Variants in TLR5 observed in about 807,000 individuals in gnomAD.
TLR5 encodes the protein toll-like receptor 5.
For missense variants in TLR5, 944 were observed against 999.8 expected (o/e 0.94, Z 0.75); for synonymous variants, 373 against 384.4 (o/e 0.97, Z 0.35).
intron 5 of TLR5, among the ~76,000 whole-genome samples, chr1:223,126,165 C>T (rs1320708545): frequency 1.3e-5 from 2 of 152,124 alleles, no homozygotes; most frequent in Non-Finnish European, 2.9e-5. Context: ...GGATATTTTT[C>T]GGCCTTAAAA....
At chr1:223,115,758 A>G (rs1424773937) in intron 5 of TLR5, among the ~76,000 whole-genome samples, 1 of 152,198 alleles carries the variant, frequency 6.6e-6, no homozygotes, top group Non-Finnish European at 1.5e-5. Flanking sequence ...GCTGCTGTTT[A>G]TAGAGAGGAG....
rs866661263 is a variant in TLR5 at position 223,112,076 on chromosome 1, A to G, written c.956T>C (p.Leu319Pro). 1 of 1,614,250 alleles carries G rather than the reference A, an allele frequency of 6.2e-7. No individual in the cohort carries two copies. The highest frequency in any genetic ancestry group is 2.2e-5 in the East Asian group (1 of 44,882). ...ETLKDLKVLN[L>P]AYNKINKIAD... ...AATCTTATTTATCTTGTTGTAGGCA[A>G]GGTTCAGAACCTTCAAATCCTTGAG... Residue 319 changes from leucine (L) to proline (P), a missense_variant, in exon 6 of 6, where the codon CTT becomes CCT. Leu to Pro is a moderately conservative substitution (Grantham distance 98). Transcript: ENST00000642603.
intron 5 of TLR5, among the ~76,000 whole-genome samples, chr1:223,121,677 C>T (rs1656961124): frequency 6.6e-6 from 1 of 152,210 alleles, no homozygotes; most frequent in South Asian, 2.1e-4. Context: ...TACCACCATG[C>T]TAGCTAATTT....
chr1:223,141,109 T>C (rs1657818556), intron 2 of TLR5, among the ~76,000 whole-genome samples: 1 of 152,246 alleles, frequency 6.6e-6, no homozygotes. Context: ...CAAACACATC[T>C]GGATGCAGTA....
intron 4 of TLR5, among the ~76,000 whole-genome samples, chr1:223,133,868 G>A (rs1006592960): frequency 2.0e-5 from 3 of 152,286 alleles, no homozygotes; most frequent in Non-Finnish European, 4.4e-5. Context: ...GGCAGGGACC[G>A]AGGGGGAGGA....
chr1:223,128,669 T>C (rs1657270900), intron 5 of TLR5: 1 of 152,158 alleles, frequency 6.6e-6, no homozygotes, highest in Non-Finnish European at 1.5e-5. Context: ...CAGACGCTAC[T>C]CCCTTTGTCC....
intron 5 of TLR5, among the ~76,000 whole-genome samples, chr1:223,114,187 A>T (rs1331087538): frequency 6.6e-6 from 1 of 152,184 alleles, no homozygotes. Flanking sequence ...GGAGCTAACC[A>T]TCTGTCTGGG....
chr1:223,142,485 C>T (rs1657919811), intron 1 of TLR5, among the ~76,000 whole-genome samples: 1 of 152,204 alleles, frequency 6.6e-6, no homozygotes, highest in Non-Finnish European at 1.5e-5. Flanking sequence ...CCCAGGGCAG[C>T]ACCCTCACTC....
At chr1:223,114,886 T>C (rs926542181) in intron 5 of TLR5, among the ~76,000 whole-genome samples, 2 of 152,102 alleles carry the variant, frequency 1.3e-5, no homozygotes, top group African/African-American at 4.8e-5. Context: ...ATCCCCCCAA[T>C]ATCCAATCCC....
chr1:223,115,815 C>T (rs545672355), intron 5 of TLR5, among the ~76,000 whole-genome samples: 1 of 152,094 alleles, frequency 6.6e-6, no homozygotes, highest in African/African-American at 2.4e-5. Flanking sequence ...AGGTGTCTAA[C>T]AGAAGTAAGG....
intron 1 of TLR5, among the ~76,000 whole-genome samples, chr1:223,142,138 A>G (rs5744109): frequency 0.084 from 12,785 of 152,116 alleles, 787 homozygotes; most frequent in East Asian, 0.26. Flanking sequence ...GGCTGGGTAA[A>G]TGCAGGAGAA....
rs1657411913 is a variant in TLR5, at chr1:223,131,982, G to A, written c.-5+493C>T. Among the ~76,000 whole-genome samples, 1 of 151,944 alleles carries A rather than the reference G, an allele frequency of 6.6e-6. No individual in the cohort carries two copies. Among genetic ancestry groups the A allele is most frequent in the African/African-American group, 2.4e-5 (1 of 41,318 alleles). On this transcript the variant is annotated intron_variant, in intron 5 of 5. Transcript: ENST00000642603. This position sits in a 1 kb window ranked among gnomAD's most constrained non-coding sequence, Gnocchi z 4.2. ...CTCCACTAGATTGTAAGTCTTGAGG[G>A]GCAGGCACTCAGTTTCATTCATGCA...
intron 2 of TLR5, 92 bp from the exon 3 acceptor site, chr1:223,137,355 G>T (rs1253666800): frequency 3.9e-5 from 6 of 152,172 alleles, no homozygotes. Context: ...CTTGAATACT[G>T]GTTCACCACT....
chr1:223,110,225 G>T lies in TLR5; in HGVS notation c.*230C>A. 1 of 568,098 alleles carries T rather than the reference G, an allele frequency of 1.8e-6. No individual in the cohort carries two copies. Among genetic ancestry groups the T allele is most frequent in the Non-Finnish European group, 3.1e-6 (1 of 321,378 alleles). The allele number at this position is 568,098 out of a possible 1,614,324, so 35.2% of individuals were successfully genotyped here. A position where few individuals can be genotyped will look rare whatever the true frequency, so the allele number is the denominator to read the frequency against. On this transcript the variant is annotated 3_prime_UTR_variant, in exon 6 of 6. Transcript: ENST00000642603. The stretch of plus-strand genomic sequence containing the variant: ...TTGGATCTGAAAGAAAATCAATGGA[G>T]ACTGGAAACCTCTAAGGGCAGTTGC...
chr1:223,118,274 T>A (rs894727469), intron 5 of TLR5, among the ~76,000 whole-genome samples: 41 of 152,272 alleles, frequency 2.7e-4, no homozygotes, highest in Admixed American at 1.2e-3. Context: ...AGGCCAGGCA[T>A]GGTGGCTCAC....
rs1341929086 is a variant in TLR5 at position 223,112,062 on chromosome 1, T to C, written c.970A>G (p.Ile324Val). ...LKVLNLAYNK[I>V]NKIADEAFYG... Reference sequence around the variant, plus strand: ...AATGCTTCATCTGCAATCTTATTTATCTTGTTGTAGGCAAGGTTCAGAACC... The same window carrying C: ...AATGCTTCATCTGCAATCTTATTTACCTTGTTGTAGGCAAGGTTCAGAACC... Residue 324 changes from isoleucine to valine, a missense_variant, in exon 6 of 6, where the codon ATA (isoleucine) becomes GTA (valine). Coordinates refer to ENST00000642603, the MANE Select transcript of TLR5 (RefSeq NM_003268.6). 4 of 1,614,102 alleles carry C rather than the reference T, an allele frequency of 2.5e-6. No individual in the cohort carries two copies. In the African/African-American group the frequency reaches 5.3e-5, roughly 22 times the overall value.
chr1:223,115,661 G>A (rs1159412810), intron 5 of TLR5, among the ~76,000 whole-genome samples: 11 of 151,962 alleles, frequency 7.2e-5, no homozygotes, highest in Non-Finnish European at 1.2e-4. Context: ...AAAGGAAGAG[G>A]AAATAGGTAC....
At chr1:223,136,110 G>A (rs369574354) in intron 3 of TLR5, among the ~76,000 whole-genome samples, 3 of 152,290 alleles carry the variant, frequency 2.0e-5, no homozygotes, top group African/African-American at 7.2e-5. Context: ...TGGGGGAAGA[G>A]GGGTGGGGTG....
intron 5 of TLR5, among the ~76,000 whole-genome samples, chr1:223,115,369 C>T (rs1466455589): frequency 2.0e-5 from 3 of 152,234 alleles, no homozygotes; most frequent in African/African-American, 7.2e-5. Context: ...CCCACCTCAG[C>T]CTCCTGAGTA....
Sources: gnomAD v4.1 joint callset for allele counts (sites outside exome capture counted in the v4.1 genomes callset) on GRCh38, gnomAD v4.1.1 for gene constraint, Gnocchi (gnomAD v3.1) non-coding constraint, MANE v1.5 for transcripts, NCBI Gene and HGNC (gene_info 2026-07-23, HGNC 2026-07-21) for gene names.